CCDC171: variants seen among roughly 807,000 people sequenced by gnomAD.
CCDC171 encodes coiled-coil domain containing 171, also known as coiled-coil domain-containing protein 171.
Under a neutral mutation model 168.2 loss-of-function variants are expected in CCDC171, and 177 were observed. The ratio of observed to expected loss-of-function variants is 1.05; its 90% CI spans 0.93 to 1.19. The LOEUF (loss-of-function observed/expected upper bound fraction) is 1.19, where lower values mean the gene tolerates loss of function less well. Among genes scored for constraint, CCDC171 ranks in the 50% most tolerant of loss-of-function variants. The probability of loss-of-function intolerance (pLI) is 0.00; values close to 1 mark genes in which losing one functional copy is unlikely to be tolerated. For synonymous variants in CCDC171, 687 were observed against 540.8 expected, an observed-to-expected ratio of 1.27 and a Z score of -3.75; for missense variants, 1,991 against 1,539.0, an observed-to-expected ratio of 1.29 and a Z score of -4.91.
intron 7 of CCDC171, among the ~76,000 whole-genome samples, chr9:15,624,285 G>C (rs1445276015): frequency 1.3e-5 from 2 of 151,996 alleles, no homozygotes; most frequent in African/African-American, 2.4e-5. Context: ...AGGCTAGGCA[G>C]AGAATAATAT....
At chr9:15,713,300 C>G (rs951113321) in intron 11 of CCDC171, among the ~76,000 whole-genome samples, 1 of 124,790 alleles carries the variant, frequency 8.0e-6, no homozygotes, top group Non-Finnish European at 1.6e-5. Context: ...ACAGAACCAT[C>G]TATAAACCAA....
chr9:15,717,838 G>A (rs77990381), intron 11 of CCDC171, among the ~76,000 whole-genome samples: 2,754 of 152,234 alleles, frequency 0.018, 100 homozygotes, highest in African/African-American at 0.062. Context: ...AGCAATACCC[G>A]TGTAGTACAC....
upstream of CCDC171, among the ~76,000 whole-genome samples, chr9:16,040,816 C>G (rs1833559509): frequency 6.6e-6 from 1 of 152,156 alleles, no homozygotes; most frequent in Non-Finnish European, 1.5e-5. Context: ...CTTCTCTCTA[C>G]TTCTGTACCC....
At chr9:16,064,560 C>T (rs1229978231), downstream of CCDC171, among the ~76,000 whole-genome samples, 1 of 152,158 alleles carries the variant, frequency 6.6e-6, no homozygotes, top group African/African-American at 2.4e-5. Flanking sequence ...TTTTTAGGGC[C>T]TGTCAAGATC....
At chr9:15,961,713 T>C (rs1830349928) in intron 25 of CCDC171, among the ~76,000 whole-genome samples, 1 of 152,172 alleles carries the variant, frequency 6.6e-6, no homozygotes, top group African/African-American at 2.4e-5. Context: ...TACTAAAATA[T>C]ATAGATGTAT....
intron 18 of CCDC171, among the ~76,000 whole-genome samples, chr9:15,749,791 C>G (rs1023732214): frequency 2.0e-5 from 3 of 152,132 alleles, no homozygotes; most frequent in African/African-American, 7.2e-5. Context: ...AAAGACACAA[C>G]ATACCAGAAT....
intron 11 of CCDC171, among the ~76,000 whole-genome samples, chr9:15,701,059 C>G (rs1478728838): frequency 6.6e-6 from 1 of 152,010 alleles, no homozygotes; most frequent in Non-Finnish European, 1.5e-5. Context: ...CTACTTATGT[C>G]CTTTGCGTGC....
chr9:15,769,817 G>A (rs561505191), intron 18 of CCDC171, among the ~76,000 whole-genome samples: 3 of 152,228 alleles, frequency 2.0e-5, no homozygotes, highest in East Asian at 1.9e-4. Flanking sequence ...CTCTAAATAC[G>A]AAATTCTCTG....
At chr9:15,661,012 G>A (rs1171939466) in intron 8 of CCDC171, among the ~76,000 whole-genome samples, 2 of 152,116 alleles carry the variant, frequency 1.3e-5, no homozygotes, top group Non-Finnish European at 1.5e-5. Context: ...CGGGCGCGGG[G>A]GCTCACGCCT....
intron 24 of CCDC171, among the ~76,000 whole-genome samples, chr9:15,908,206 G>C (rs558662813): frequency 9.9e-4 from 150 of 152,112 alleles, no homozygotes; most frequent in Non-Finnish European, 1.9e-3. Context: ...ACATGCACAC[G>C]TATGTTTATT....
chr9:15,977,813 A>G (rs1269429311), downstream of CCDC171, among the ~76,000 whole-genome samples: 1 of 152,208 alleles, frequency 6.6e-6, no homozygotes, highest in Non-Finnish European at 1.5e-5. Flanking sequence ...GATGACAAGA[A>G]TATAAGGTGA....
chr9:15,983,511 T>TGTGTGAGA (rs1554707509), intron 3 of CCDC171, among the ~76,000 whole-genome samples: 6 of 137,288 alleles, frequency 4.4e-5, no homozygotes. Context: ...TGTGTGTGTG[T>TGTGTGAGA]GAGAGAGAGA....
chr9:16,047,329 C>T (rs183207007), intron 1 of CCDC171, among the ~76,000 whole-genome samples: 5 of 152,258 alleles, frequency 3.3e-5, no homozygotes, highest in East Asian at 3.9e-4. Context: ...CTGCCCAAGC[C>T]AGAAATCTGG....
intron 11 of CCDC171, among the ~76,000 whole-genome samples, chr9:15,705,746 A>T (rs1282198591): frequency 6.6e-6 from 1 of 152,164 alleles, no homozygotes; most frequent in Non-Finnish European, 1.5e-5. Flanking sequence ...TTATTATTAT[A>T]TTTCAGTTCC....
At chr9:15,864,699 G>C (rs1436927825) in intron 23 of CCDC171, among the ~76,000 whole-genome samples, 2 of 152,072 alleles carry the variant, frequency 1.3e-5, no homozygotes, top group Non-Finnish European at 2.9e-5. Context: ...AGATGAGTAG[G>C]ATAATGTCTG....
chr9:15,710,329 A>G (rs1250846024), intron 11 of CCDC171, among the ~76,000 whole-genome samples: 1 of 151,708 alleles, frequency 6.6e-6, no homozygotes, highest in Non-Finnish European at 1.5e-5. Context: ...CTTTTTTGAG[A>G]TGGAGTCTCA....
At chr9:16,052,979 A>T (rs1833775607) in intron 1 of CCDC171, among the ~76,000 whole-genome samples, 1 of 152,024 alleles carries the variant, frequency 6.6e-6, no homozygotes, top group Non-Finnish European at 1.5e-5. Flanking sequence ...CTTCCCTAAG[A>T]TCCCTCTCCC....
intron 18 of CCDC171, among the ~76,000 whole-genome samples, chr9:15,752,948 A>C (rs2055854895): frequency 6.6e-6 from 1 of 152,156 alleles, no homozygotes; most frequent in South Asian, 2.1e-4. Flanking sequence ...ATGACGCTTA[A>C]AAGTAGATTG....
chr9:15,719,440 GA>G (rs745709917), intron 11 of CCDC171, among the ~76,000 whole-genome samples: 62,843 of 122,494 alleles, frequency 0.51, 17,683 homozygotes, highest in Non-Finnish European at 0.55. Flanking sequence ...GAGAGAGAGA[GA>G]GAGAGAAAGT....
Sources: allele counts gnomAD v4.1 joint callset (sites outside exome capture counted in the v4.1 genomes callset), GRCh38; gene constraint gnomAD v4.1.1; transcripts MANE v1.5; gene names NCBI Gene and HGNC (gene_info 2026-07-23, HGNC 2026-07-21).